GFRAL: variants seen among roughly 807,000 people sequenced by gnomAD.
The protein encoded by GFRAL is GDNF family receptor alpha like.
A neutral mutation model predicts 45.4 loss-of-function variants in GFRAL; 36 were observed. The observed-to-expected ratio is 0.79, with a 90% CI of 0.61 to 1.05. GFRAL has a LOEUF of 1.05. Among genes scored for constraint, GFRAL ranks in the 50% least tolerant of loss-of-function variants. The pLI is 0.00. For synonymous variants in GFRAL, 166 were observed against 154.1 expected, an observed-to-expected ratio of 1.08 and a Z score of -0.57; for missense variants, 507 against 467.5, an observed-to-expected ratio of 1.08 and a Z score of -0.78.
chr6:55,346,264 C>T (rs1005863198), intron 3 of GFRAL, among the ~76,000 whole-genome samples: 2 of 152,100 alleles, frequency 1.3e-5, no homozygotes, highest in African/African-American at 4.8e-5. Context: ...CAACACTATT[C>T]ACAATAGCAA....
chr6:55,354,311 A>G (rs1414846542), intron 5 of GFRAL, among the ~76,000 whole-genome samples: 1 of 152,034 alleles, frequency 6.6e-6, no homozygotes, highest in Non-Finnish European at 1.5e-5. Flanking sequence ...TTTCCTCAAC[A>G]AGGACCCCCA....
intron 1 of GFRAL, among the ~76,000 whole-genome samples, chr6:55,329,490 A>G (rs1041002711): frequency 1.3e-5 from 2 of 152,138 alleles, no homozygotes; most frequent in African/African-American, 4.8e-5. Flanking sequence ...TTAATGGCAA[A>G]TAAAATACCA....
At chr6:55,347,731 T>A (rs185934869) in intron 3 of GFRAL, among the ~76,000 whole-genome samples, 1 of 152,256 alleles carries the variant, frequency 6.6e-6, no homozygotes. Context: ...TACAGGGAAG[T>A]GAGGCTAGAG....
At chr6:55,328,691 A>T (rs1169794128) in intron 1 of GFRAL, among the ~76,000 whole-genome samples, 1 of 152,028 alleles carries the variant, frequency 6.6e-6, no homozygotes, top group African/African-American at 2.4e-5. Context: ...AATGAAGCTC[A>T]CAAAATACAT....
At chr6:55,364,343 T>C (rs148672354) in intron 6 of GFRAL, among the ~76,000 whole-genome samples, 1 of 150,420 alleles carries the variant, frequency 6.6e-6, no homozygotes, top group African/African-American at 2.5e-5. Context: ...TATTAGCCCT[T>C]TGTCGGATGA....
intron 1 of GFRAL, among the ~76,000 whole-genome samples, chr6:55,328,289 A>C (rs1428080761): frequency 6.6e-6 from 1 of 151,962 alleles, no homozygotes; most frequent in East Asian, 1.9e-4. Context: ...CATTTGGTAG[A>C]ATCTATAAAC....
chr6:55,401,735 A>G (rs2127368450), intron 8 of GFRAL, 55 bp from the exon 9 acceptor site: 1 of 1,039,296 alleles, frequency 9.6e-7, no homozygotes, highest in Admixed American at 1.7e-5. Flanking sequence ...ACACAAGCAC[A>G]TTTGTGAAAT....
intron 5 of GFRAL, among the ~76,000 whole-genome samples, chr6:55,357,889 A>G (rs544744690): frequency 3.3e-5 from 5 of 151,890 alleles, no homozygotes; most frequent in African/African-American, 9.6e-5. Flanking sequence ...TATCTGAATG[A>G]CAATCAATAC....
chr6:55,341,076 C>A (rs1767958364), intron 3 of GFRAL, among the ~76,000 whole-genome samples: 1 of 152,210 alleles, frequency 6.6e-6, no homozygotes, highest in African/African-American at 2.4e-5. Context: ...CTGCTTGCAT[C>A]TGTAGACTCC....
In GFRAL at chr6:55,351,053, A is replaced by G. The variant is rs375267764; in HGVS notation, c.371-200A>G. Among the ~76,000 whole-genome samples the G allele has an allele frequency of 5.3e-5, 8 of 152,244 alleles. No homozygotes were observed. The East Asian group carries it at 1.2e-3, about 22-fold the overall frequency. ...CTAGATCACAATGTGTATCCTGTAT[A>G]GATGAAAGATGATTCCAATAAGTCT... On this transcript the variant is annotated intron_variant, in intron 4 of 8. Coordinates refer to ENST00000340465, the MANE Select transcript of GFRAL (RefSeq NM_207410.2).
At chr6:55,367,329 G>A (rs1042898630) in intron 6 of GFRAL, among the ~76,000 whole-genome samples, 4 of 142,152 alleles carry the variant, frequency 2.8e-5, no homozygotes, top group Non-Finnish European at 6.1e-5. Context: ...TTGAGCCTAT[G>A]GGTGTCTCTG....
chr6:55,331,472 A>G (rs1277677460), intron 1 of GFRAL, among the ~76,000 whole-genome samples: 1 of 152,148 alleles, frequency 6.6e-6, no homozygotes, highest in Admixed American at 6.5e-5. Flanking sequence ...AAAATAAATT[A>G]TAAGTTGAGG....
In GFRAL at chr6:55,327,559, T is replaced by C. The variant is rs1283765189; in HGVS notation, c.5T>C (p.Ile2Thr). The C allele has an allele frequency of 1.2e-6, 2 of 1,612,988 alleles. No individual in the cohort carries two copies. The highest frequency in any genetic ancestry group is 1.1e-5 in the South Asian group (1 of 91,028). M[I>T]VFIFLAMGLS... Reference sequence around the variant, plus strand: ...AACTGCCGTGAGTTGTCCAGCATGATAGTGTTTATTTTCTTGGGTAAGTGA... The same window carrying C: ...AACTGCCGTGAGTTGTCCAGCATGACAGTGTTTATTTTCTTGGGTAAGTGA... Residue 2 changes from isoleucine (I) to threonine (T), a missense_variant, in exon 1 of 9, where the codon ATA (isoleucine) becomes ACA (threonine). Physicochemically the swap from Ile to Thr is moderately conservative, Grantham distance 89 (BLOSUM62 -1). Coordinates refer to ENST00000340465, the MANE Select transcript of GFRAL (RefSeq NM_207410.2).
intron 6 of GFRAL, among the ~76,000 whole-genome samples, chr6:55,369,128 T>C (rs374822329): frequency 0.18 from 25,915 of 147,296 alleles, 2,751 homozygotes; most frequent in African/African-American, 0.29. Context: ...AGCCAGGTGC[T>C]GGATAGAATC....
chr6:55,372,296 A>T (rs574217797), intron 6 of GFRAL, among the ~76,000 whole-genome samples: 22 of 152,178 alleles, frequency 1.4e-4, no homozygotes, highest in Non-Finnish European at 3.1e-4. Context: ...GATCCCATCC[A>T]TGCCCATAGC....
chr6:55,399,216 T>C lies in GFRAL; in HGVS notation c.989T>C (p.Leu330Ser), dbSNP rs777016216. 2 of 1,605,764 alleles carry C rather than the reference T, an allele frequency of 1.2e-6. No individual in the cohort carries two copies. The highest frequency in any genetic ancestry group is 1.3e-5 in the African/African-American group (1 of 74,814). ...PTLSNVKGMA[L>S]YTRKHANKIT... ...CTGTCTAATGTCAAAGGCATGGCATTGTATACAAGAAAACATGCAAACAAA... is the reference window on the plus strand; with the variant it reads ...CTGTCTAATGTCAAAGGCATGGCATCGTATACAAGAAAACATGCAAACAAA... Residue 330 changes from leucine to serine, a missense_variant, in exon 7 of 9, where the codon TTG becomes TCG. Coordinates refer to ENST00000340465, the MANE Select transcript of GFRAL (RefSeq NM_207410.2).
chr6:55,342,622 C>T (rs1562050181), intron 3 of GFRAL, among the ~76,000 whole-genome samples: 5 of 152,032 alleles, frequency 3.3e-5, no homozygotes, highest in African/African-American at 7.2e-5. Context: ...CATCAACCAA[C>T]GAGCAAAATA....
Position 55,351,496 on chromosome 6 carries a change from T to C in GFRAL, c.614T>C (p.Leu205Pro), listed in dbSNP as rs769586625. Residue 205 changes from leucine to proline, a missense_variant, in exon 5 of 9, where the codon CTT (leucine) becomes CCT (proline). Physicochemically the swap from Leu to Pro is moderately conservative, Grantham distance 98. Coordinates refer to ENST00000340465, the MANE Select transcript of GFRAL (RefSeq NM_207410.2). ...DIPCQQSKEA[L>P]HSKTCAVNMV... is the part of the protein sequence containing the mutation. Reference sequence around the variant, plus strand: ...CCTTGTCAGCAGTCCAAAGAAGCTCTTCACAGCAAGACATGTGCAGTGAAC... The same window carrying C: ...CCTTGTCAGCAGTCCAAAGAAGCTCCTCACAGCAAGACATGTGCAGTGAAC... 3.7e-6 allele frequency: 6 copies of C among 1,613,526 alleles called. No homozygotes were observed. The highest frequency in any genetic ancestry group is 5.1e-6 in the Non-Finnish European group (6 of 1,179,748).
Position 55,400,769 on chromosome 6 carries a change from G to T in GFRAL, c.1122-1021G>T, listed in dbSNP as rs539642750. On this transcript the variant is annotated intron_variant, in intron 8 of 8. Transcript: ENST00000340465. ...TGCTAAGAGGGAAAAATAGCATTTG[G>T]AATTTATTAAAGTTTACTTTATTTG... Among the ~76,000 whole-genome samples, 5 of 152,222 alleles carry T rather than the reference G, an allele frequency of 3.3e-5. No individual in the cohort carries two copies. In the South Asian group the frequency reaches 1.0e-3, roughly 32 times the overall value.
Sources: allele counts gnomAD v4.1 joint callset (sites outside exome capture counted in the v4.1 genomes callset), GRCh38; gene constraint gnomAD v4.1.1; transcripts MANE v1.5; gene names NCBI Gene and HGNC (gene_info 2026-07-23, HGNC 2026-07-21).